PLB1: variants seen among roughly 807,000 people sequenced by gnomAD.
The protein encoded by PLB1 is phospholipase B1, also known as phospholipase B1, membrane-associated.
A neutral mutation model predicts 227.4 loss-of-function variants in PLB1; 242 were observed. The ratio of observed to expected loss-of-function variants is 1.06; its 90% confidence interval spans 0.96 to 1.18. PLB1 has a LOEUF of 1.18. PLB1 is among the 50% of genes most tolerant of loss of function. The pLI is 0.00. For synonymous variants in PLB1, 757 were observed against 682.2 expected (o/e 1.11, Z -1.71); for missense variants, 1,858 against 1,816.3 (o/e 1.02, Z -0.42).
intron 51 of PLB1, among the ~76,000 whole-genome samples, chr2:28,628,295 G>A (rs1688092568): frequency 6.6e-6 from 1 of 152,212 alleles, no homozygotes; most frequent in South Asian, 2.1e-4. Flanking sequence ...GCAGGACCCA[G>A]CACTGGCAGA....
intron 33 of PLB1, among the ~76,000 whole-genome samples, chr2:28,597,553 G>A (rs569608217): frequency 6.6e-6 from 1 of 152,312 alleles, no homozygotes; most frequent in East Asian, 1.9e-4. Context: ...CCTGACTGCT[G>A]AGCAGAGAAG....
At chr2:28,546,010 C>T (rs1348846513) in intron 14 of PLB1, among the ~76,000 whole-genome samples, 1 of 152,190 alleles carries the variant, frequency 6.6e-6, no homozygotes, top group African/African-American at 2.4e-5. Context: ...CTCCCTCCCT[C>T]ATCCTCCAAG....
At chr2:28,642,754 C>G (rs1346748530) in intron 57 of PLB1, 104 bp from the exon 58 acceptor site, 2 of 1,000,060 alleles carry the variant, frequency 2.0e-6, no homozygotes, top group Non-Finnish European at 2.9e-6. Flanking sequence ...TGAAAACGTG[C>G]AGGGTTATCG....
chr2:28,499,394 G>A (rs1666826069), intron 1 of PLB1, among the ~76,000 whole-genome samples: 1 of 152,028 alleles, frequency 6.6e-6, no homozygotes, highest in Admixed American at 6.6e-5. Flanking sequence ...TGGCAAAATA[G>A]CACTCACTTT....
chr2:28,551,815 T>C (rs1477890082), intron 16 of PLB1, among the ~76,000 whole-genome samples: 1 of 152,252 alleles, frequency 6.6e-6, no homozygotes, highest in East Asian at 1.9e-4. Context: ...TAGCATACCA[T>C]GAGTTCTATA....
chr2:28,630,744 C>A, intron 54 of PLB1, 80 bp downstream of exon 54: 1 of 1,214,260 alleles, frequency 8.2e-7, no homozygotes, highest in Non-Finnish European at 1.2e-6. Context: ...GAATGCCCAG[C>A]AGGATGTGGC....
chr2:28,620,927 C>A lies in PLB1; in HGVS notation c.3476C>A (p.Thr1159Asn). Residue 1159 changes from threonine (T) to asparagine (N), a missense_variant, in exon 49 of 58, where the codon ACC (threonine) becomes AAC (asparagine). Transcript: ENST00000327757. ...TACCTCCTTGGCTTCTCTACCAGCA[C>A]CTGGGAGGGGACAGCAGGACTAAAT... The part of the protein sequence containing the change: ...NPYLLGFSTS[T>N]WEGTAGLNVA... The A allele has an allele frequency of 6.2e-7, 1 of 1,613,924 alleles. No individual in the cohort carries two copies. The highest frequency in any genetic ancestry group is 8.5e-7 in the Non-Finnish European group (1 of 1,179,926).
At chr2:28,539,304 G>T in intron 11 of PLB1, 126 bp downstream of exon 11, 1 of 847,916 alleles carries the variant, frequency 1.2e-6, no homozygotes. Context: ...AGGAGGCCGA[G>T]AAACACATGC....
chr2:28,595,599 C>T (rs1682778394), intron 33 of PLB1: 1 of 152,128 alleles, frequency 6.6e-6, no homozygotes. Context: ...CCCAATGTTT[C>T]CCTTAATTCC....
chr2:28,617,653 G>T (rs1573465629), intron 44 of PLB1, 74 bp from the exon 45 acceptor site: 1 of 1,454,260 alleles, frequency 6.9e-7, no homozygotes, highest in Admixed American at 1.7e-5. Context: ...CCCTTAGCTG[G>T]TTCTTCTTGG....
At chr2:28,615,370 G>A (rs1207574587) in intron 44 of PLB1, among the ~76,000 whole-genome samples, 1 of 152,220 alleles carries the variant, frequency 6.6e-6, no homozygotes, top group African/African-American at 2.4e-5. Context: ...AGGAGAGAGT[G>A]ACATGATCTG....
intron 32 of PLB1, among the ~76,000 whole-genome samples, chr2:28,593,133 A>G (rs1247009605): frequency 6.6e-6 from 1 of 152,152 alleles, no homozygotes; most frequent in Non-Finnish European, 1.5e-5. Flanking sequence ...TTAGTTGTGG[A>G]TGAAGCTCTG....
intron 57 of PLB1, among the ~76,000 whole-genome samples, chr2:28,641,665 C>G (rs889446475): frequency 6.6e-6 from 1 of 152,092 alleles, no homozygotes; most frequent in Non-Finnish European, 1.5e-5. Flanking sequence ...ATCTGGGGAT[C>G]GGGAGGCAAA....
intron 14 of PLB1, among the ~76,000 whole-genome samples, chr2:28,543,836 C>T (rs541431055): frequency 7.9e-5 from 12 of 152,316 alleles, no homozygotes; most frequent in South Asian, 2.1e-4. Context: ...AAGCACTCCA[C>T]GTGGATTGGC....
intron 33 of PLB1, chr2:28,594,152 A>AC: frequency 2.1e-6 from 1 of 480,522 alleles, no homozygotes; most frequent in Admixed American, 2.4e-5. Context: ...TTGTAGTCAC[A>AC]CAGCTGCCTT....
intron 19 of PLB1, 55 bp from the exon 20 acceptor site, chr2:28,566,741 C>A (rs1676982476): frequency 4.4e-6 from 7 of 1,596,028 alleles, no homozygotes; most frequent in Non-Finnish European, 6.0e-6. Context: ...TCTGAAGGGT[C>A]TCGGCGTGGC....
chr2:28,643,065 C>T lies in PLB1; in HGVS notation c.*4C>T, dbSNP rs780832764. 114 of 1,590,426 alleles carry T rather than the reference C, an allele frequency of 7.2e-5. 1 individual carries two copies. Among genetic ancestry groups the T allele is most frequent in the East Asian group, 2.3e-4 (10 of 43,950 alleles). ...CCTGCGCACTGTGGCCCTCTAGGCC[C>T]GGGGGTGGGTCCTCACCCTAAACTC... On this transcript the variant is annotated 3_prime_UTR_variant, in exon 58 of 58. Coordinates refer to ENST00000327757, the MANE Select transcript of PLB1 (RefSeq NM_153021.5).
chr2:28,524,408 G>A (rs1328490145), intron 4 of PLB1, among the ~76,000 whole-genome samples: 1 of 152,172 alleles, frequency 6.6e-6, no homozygotes, highest in Non-Finnish European at 1.5e-5. Context: ...CCTAGACTTA[G>A]GAACTTCAGC....
At chr2:28,541,253 C>A (rs1360316774) in intron 12 of PLB1, among the ~76,000 whole-genome samples, 1 of 152,196 alleles carries the variant, frequency 6.6e-6, no homozygotes, top group African/African-American at 2.4e-5. Flanking sequence ...TAGCAAACAG[C>A]TCAAAGCACG....
Sources: gnomAD v4.1 joint callset for allele counts (sites outside exome capture counted in the v4.1 genomes callset) on GRCh38, gnomAD v4.1.1 for gene constraint, MANE v1.5 for transcripts, NCBI Gene and HGNC (gene_info 2026-07-23, HGNC 2026-07-21) for gene names.